ARL10: variants seen among roughly 807,000 people sequenced by gnomAD.
ARL10 encodes the protein ARF like GTPase 10.
In ARL10, 23 loss-of-function variants were observed where a neutral mutation model predicts 26.1. The ratio of observed to expected loss-of-function variants is 0.88; its 90% CI spans 0.63 to 1.25. The LOEUF is 1.25. Among genes scored for constraint, ARL10 ranks in the 50% most tolerant of loss-of-function variants. The pLI, the probability that ARL10 is intolerant of heterozygous loss-of-function variation, is 0.00. For missense variants in ARL10, 300 were observed against 323.6 expected, an observed-to-expected ratio of 0.93 and a Z score of 0.56; for synonymous variants, 138 against 149.1, an observed-to-expected ratio of 0.93 and a Z score of 0.54.
At chr5:176,392,680 A>T, downstream of ARL10, 1 of 1,416,878 alleles carries the variant, frequency 7.1e-7, no homozygotes, top group Non-Finnish European at 9.8e-7. The surrounding 1 kb of genome is among the most constrained non-coding windows in gnomAD (Gnocchi z 5.2). Context: ...GGCTGTGGGT[A>T]GCAGCTGCTG....
rs1237980184 is a variant in ARL10, at chr5:176,376,490, C to G, written c.*4595C>G. The G allele has an allele frequency of 6.6e-6, 1 of 152,146 alleles. No individual in the cohort carries two copies. The highest frequency in any genetic ancestry group is 2.4e-5 in the African/African-American group (1 of 41,412). 9.4% of individuals were successfully genotyped at this position (152,146 alleles called of 1,614,324 possible). ...TGATTTGAGCGTTAAGTCACAAACC[C>G]AACAGGAACTCCAGTTTCTTGCTAG... On this transcript the variant is annotated 3_prime_UTR_variant, in exon 4 of 4. Transcript: ENST00000310389.
rs1262736322 is a variant in ARL10 at position 176,371,727 on chromosome 5, G to C, written c.567G>C (p.Leu189=). The change falls in exon 4 of 4, where the codon CTG becomes CTC. Residue 189 remains leucine (L), a synonymous_variant. Transcript: ENST00000310389. The part of the protein sequence containing the change: ...PVVVVANKQD[L]SEAMSMGELQ... ...GACTTCTGTGTCTCACCCAGGACCT[G>C]AGCGAGGCCATGAGTATGGGGGAGC... 1.2e-6 allele frequency: 2 copies of C among 1,614,032 alleles called. No individual in the cohort carries two copies. The highest frequency in any genetic ancestry group is 2.7e-5 in the African/African-American group (2 of 74,940).
the ARL10 span, chr5:176,410,175 G>A: frequency 9.1e-6 from 11 of 1,206,404 alleles, no homozygotes; most frequent in Middle Eastern, 1.9e-4. Context: ...ACCTGGAGCT[G>A]TAAGCCTACA....
chr5:176,375,327 TCCATCCATCATCCAC>T lies in ARL10; in HGVS notation c.*3442_*3456del, dbSNP rs1768670574. ...ATCCATCCATCCATCCATCCATCCA[TCCATCCATCATCCAC>T]CCATCCATCCATCCATCCATCCATC... On this transcript the variant is annotated 3_prime_UTR_variant, in exon 4 of 4. Coordinates refer to ENST00000310389, the MANE Select transcript of ARL10 (RefSeq NM_173664.6). 7.6e-5 allele frequency: 4 copies of T among 52,358 alleles called. No individual in the cohort carries two copies. Among genetic ancestry groups the T allele is most frequent in the East Asian group, 4.6e-4 (1 of 2,162 alleles). 3.2% of individuals were successfully genotyped at this position (52,358 alleles called of 1,614,324 possible).
downstream of ARL10, among the ~76,000 whole-genome samples, chr5:176,391,010 C>T (rs931696455): frequency 6.6e-6 from 1 of 152,124 alleles, no homozygotes; most frequent in African/African-American, 2.4e-5. Context: ...TGCGCTCTTC[C>T]CGAGTGATTG....
downstream of ARL10, chr5:176,406,593 C>T: frequency 7.8e-7 from 1 of 1,289,256 alleles, no homozygotes; most frequent in African/African-American, 1.5e-5. Flanking sequence ...TCCTGCAGGG[C>T]CCTTCTGTCC....
rs1755543344 is a variant in ARL10, at chr5:176,381,107, T to G, written c.*9212T>G. ...TATAAAATTAGATGGAGTCCCAGAC[T>G]CCTTGGATTGAAACAAACCCGTTAT... is the stretch of plus-strand genomic sequence containing the variant. On this transcript the variant is annotated 3_prime_UTR_variant, in exon 4 of 4. Transcript: ENST00000310389. 6.6e-6 allele frequency: 1 copy of G among 152,202 alleles called. No homozygotes were observed. The highest frequency in any genetic ancestry group is 2.1e-4 in the South Asian group (1 of 4,822). The allele number at this position is 152,202 out of a possible 1,614,324, so 9.4% of individuals were successfully genotyped here.
downstream of ARL10, chr5:176,388,728 G>T: frequency 6.5e-7 from 1 of 1,533,084 alleles, no homozygotes; most frequent in Non-Finnish European, 8.8e-7. Context: ...TGCGTACAAG[G>T]CTCAATTTAT....
intron 1 of ARL10, chr5:176,397,867 A>G: frequency 6.7e-7 from 1 of 1,486,338 alleles, no homozygotes; most frequent in South Asian, 1.1e-5. Context: ...CACTCCGAGG[A>G]CTCCCCACAC....
intron 1 of ARL10, among the ~76,000 whole-genome samples, chr5:176,397,003 A>G (rs1756556479): frequency 6.6e-6 from 1 of 151,922 alleles, no homozygotes; most frequent in African/African-American, 2.4e-5. Flanking sequence ...AAGTCCCAAG[A>G]CACAGAGGTC....
At chr5:176,405,553 A>T (rs143969287), downstream of ARL10, 20 of 152,292 alleles carry the variant, frequency 1.3e-4, no homozygotes, top group African/African-American at 4.1e-4. Flanking sequence ...CTTTGGAGAC[A>T]AACTATCCAG....
chr5:176,374,879 C>T lies in ARL10; in HGVS notation c.*2984C>T, dbSNP rs536980091. 3 of 152,194 alleles carry T rather than the reference C, an allele frequency of 2.0e-5. No individual in the cohort carries two copies. Among genetic ancestry groups the T allele is most frequent in the Non-Finnish European group, 4.4e-5 (3 of 68,038 alleles). The allele number at this position is 152,194 out of a possible 1,614,324, so 9.4% of individuals were successfully genotyped here. A position where few individuals can be genotyped will look rare whatever the true frequency, so the allele number is the denominator to read the frequency against. ...TGTGTTCCTTTTCCCTGAGAAATAT[C>T]CTTGATGTGTTTGGTGGCAGTATCT... On this transcript the variant is annotated 3_prime_UTR_variant, in exon 4 of 4. Transcript: ENST00000310389.
the ARL10 span, among the ~76,000 whole-genome samples, chr5:176,414,552 C>T: frequency 1.2e-4 from 18 of 152,128 alleles, 1 homozygote; most frequent in South Asian, 3.7e-3. Flanking sequence ...GCTCCTGCCT[C>T]AGCCTTCCCG....
chr5:176,389,689 CAT>C (rs1187110316), downstream of ARL10: 3 of 539,356 alleles, frequency 5.6e-6, no homozygotes, highest in Non-Finnish European at 9.7e-6. Context: ...TTGAATGTTA[CAT>C]ACTTCTATTT....
chr5:176,380,059 G>A lies in ARL10; in HGVS notation c.*8164G>A, dbSNP rs1331754203. 1 of 152,196 alleles carries A rather than the reference G, an allele frequency of 6.6e-6. No homozygotes were observed. Among genetic ancestry groups the A allele is most frequent in the Non-Finnish European group, 1.5e-5 (1 of 68,032 alleles). 9.4% of individuals were successfully genotyped at this position (152,196 alleles called of 1,614,324 possible). A position where few individuals can be genotyped will look rare whatever the true frequency, so the allele number is the denominator to read the frequency against. On this transcript the variant is annotated 3_prime_UTR_variant, in exon 4 of 4. Transcript: ENST00000310389. Reference sequence around the variant, plus strand: ...TAAAAGTGGTTACAGCAGGCAGGCTGGTTGACTAGAGAGTCTCACTTTGTA... The same window carrying A: ...TAAAAGTGGTTACAGCAGGCAGGCTAGTTGACTAGAGAGTCTCACTTTGTA...
downstream of ARL10, chr5:176,406,406 C>T (rs1379176864): frequency 8.6e-7 from 1 of 1,160,832 alleles, no homozygotes; most frequent in East Asian, 7.1e-5. Flanking sequence ...CCCACACCAG[C>T]CAAGCGTGTG....
chr5:176,396,886 C>T (rs776013631), intron 1 of ARL10, among the ~76,000 whole-genome samples: 1 of 152,170 alleles, frequency 6.6e-6, no homozygotes, highest in African/African-American at 2.4e-5. Flanking sequence ...TCCCTGGCCC[C>T]CTGTTGCCTA....
Position 176,366,444 on chromosome 5 carries a change from T to C in ARL10, c.248T>C (p.Leu83Pro), listed in dbSNP as rs1045822702. The C allele has an allele frequency of 3.7e-6, 6 of 1,613,388 alleles. No homozygotes were observed. In the Admixed American group the frequency reaches 5.0e-5, roughly 13 times the overall value. The change falls in exon 2 of 4, where the codon CTG becomes CCG. Residue 83 changes from leucine (L) to proline (P), a missense_variant. Physicochemically the swap from Leu to Pro is moderately conservative, Grantham distance 98. Coordinates refer to ENST00000310389, the MANE Select transcript of ARL10 (RefSeq NM_173664.6). ...EELEQREVLV[L>P]GLDGAGKSTF... Reference sequence around the variant, plus strand: ...CTGGAACAGCGCGAGGTGCTGGTGCTGGGGCTGGATGGCGCAGGCAAGAGC... The same window carrying C: ...CTGGAACAGCGCGAGGTGCTGGTGCCGGGGCTGGATGGCGCAGGCAAGAGC...
chr5:176,406,548 G>C (rs1757132420), downstream of ARL10: 1 of 1,277,198 alleles, frequency 7.8e-7, no homozygotes, highest in Non-Finnish European at 1.0e-6. Context: ...TTAGGGGAAA[G>C]GAGAGAGGAT....
Sources: gnomAD v4.1 joint callset for allele counts (sites outside exome capture counted in the v4.1 genomes callset) on GRCh38, gnomAD v4.1.1 for gene constraint, Gnocchi (gnomAD v3.1) non-coding constraint, MANE v1.5 for transcripts, NCBI Gene and HGNC (gene_info 2026-07-23, HGNC 2026-07-21) for gene names.